Variants in SIPA1L3 observed in about 807,000 individuals in gnomAD.
SIPA1L3 encodes signal-induced proliferation-associated 1-like protein 3.
Under a neutral mutation model 150.1 loss-of-function variants are expected in SIPA1L3, and 59 were observed. The observed-to-expected ratio is 0.39, with a 90% CI of 0.32 to 0.49. SIPA1L3 has a LOEUF of 0.49. SIPA1L3 is among the 20% of genes least tolerant of loss of function. The pLI, the probability that SIPA1L3 is intolerant of heterozygous loss-of-function variation, is 0.86. For synonymous variants in SIPA1L3, 1,070 were observed against 1,077.6 expected (o/e 0.99, Z 0.14); for missense variants, 2,211 against 2,489.5 (o/e 0.89, Z 2.38).
chr19:38,021,774 G>A (rs1968378208), intron 1 of SIPA1L3, among the ~76,000 whole-genome samples: 1 of 152,278 alleles, frequency 6.6e-6, no homozygotes, highest in Middle Eastern at 3.4e-3. Flanking sequence ...TCTAACTCCT[G>A]GGCTCAAGCA....
At chr19:38,048,486 A>G (rs1969111206) in intron 2 of SIPA1L3, among the ~76,000 whole-genome samples, 1 of 152,202 alleles carries the variant, frequency 6.6e-6, no homozygotes, top group South Asian at 2.1e-4. Context: ...CAGCTGGTCC[A>G]GCTGAGGTCA....
intron 1 of SIPA1L3, among the ~76,000 whole-genome samples, chr19:37,930,598 A>G (rs2046545069): frequency 1.3e-5 from 2 of 152,160 alleles, no homozygotes; most frequent in South Asian, 2.1e-4. Context: ...CTGTAAAGCC[A>G]TTGCCCTTTG....
chr19:38,009,786 C>T (rs548796243), intron 1 of SIPA1L3, among the ~76,000 whole-genome samples: 1 of 152,172 alleles, frequency 6.6e-6, no homozygotes, highest in East Asian at 1.9e-4. Context: ...ACTGCTTCCC[C>T]ATCTGCTTTG....
chr19:38,088,956 C>T (rs914411159), intron 4 of SIPA1L3, 105 bp downstream of exon 4: 2 of 1,263,408 alleles, frequency 1.6e-6, no homozygotes, highest in Non-Finnish European at 2.2e-6. Context: ...ATGGAATCCT[C>T]CCAACAACCC....
At chr19:37,992,063 A>AGGCAGTGTCACCG (rs1466941595) in intron 1 of SIPA1L3, among the ~76,000 whole-genome samples, 2 of 17,262 alleles carry the variant, frequency 1.2e-4, no homozygotes, top group Non-Finnish European at 1.9e-4. Flanking sequence ...ACAGGCATCC[A>AGGCAGTGTCACCG]CGTGGCTAGA....
chr19:38,126,495 A>G (rs1409064389), intron 9 of SIPA1L3, among the ~76,000 whole-genome samples: 2 of 152,020 alleles, frequency 1.3e-5, no homozygotes, highest in South Asian at 2.1e-4. Context: ...TAAGCTTATC[A>G]GCTATCATTA....
intron 1 of SIPA1L3, among the ~76,000 whole-genome samples, chr19:38,010,734 GA>G (rs1402336914): frequency 1.3e-5 from 2 of 152,036 alleles, no homozygotes; most frequent in African/African-American, 4.8e-5. Context: ...AAACAAAAAA[GA>G]ATGTACACAC....
intron 1 of SIPA1L3, among the ~76,000 whole-genome samples, chr19:37,964,971 T>C (rs2046890258): frequency 6.6e-6 from 1 of 152,166 alleles, no homozygotes; most frequent in Non-Finnish European, 1.5e-5. Flanking sequence ...TTGAGTTAGA[T>C]AGAATTCTCT....
chr19:37,968,363 C>T lies in SIPA1L3; in HGVS notation c.-378-60726C>T, dbSNP rs8103636. Among the ~76,000 whole-genome samples, 490 of 152,220 alleles carry T rather than the reference C, an allele frequency of 3.2e-3. 3 individuals carry two copies. The highest frequency in any genetic ancestry group is 0.011 in the African/African-American group (468 of 41,554). On this transcript the variant is annotated intron_variant, in intron 1 of 21. Coordinates refer to ENST00000222345, the MANE Select transcript of SIPA1L3 (RefSeq NM_015073.3). ...CTGGGATTACAGGCATGAGCCACCGCGCCCGGCCGGCCTCATCTCTTAATG... is the reference window on the plus strand; with the variant it reads ...CTGGGATTACAGGCATGAGCCACCGTGCCCGGCCGGCCTCATCTCTTAATG...
At chr19:38,131,169 G>C (rs1382128619) in intron 10 of SIPA1L3, among the ~76,000 whole-genome samples, 1 of 152,174 alleles carries the variant, frequency 6.6e-6, no homozygotes, top group African/African-American at 2.4e-5. Context: ...CCACAACAAA[G>C]TGCCTGCTCC....
intron 7 of SIPA1L3, 49 bp downstream of exon 7, chr19:38,106,689 C>A: frequency 1.5e-6 from 2 of 1,299,314 alleles, no homozygotes; most frequent in Non-Finnish European, 2.2e-6. Context: ...GGCTGCCCAC[C>A]CACCAGCATT....
At chr19:38,152,639 C>A (rs563007522) in intron 12 of SIPA1L3, among the ~76,000 whole-genome samples, 1 of 152,288 alleles carries the variant, frequency 6.6e-6, no homozygotes, top group Admixed American at 6.5e-5. Flanking sequence ...GCTTCCCAGG[C>A]GAGACTCTCA....
In SIPA1L3 at chr19:37,965,317, G is replaced by GTTTTT. The variant is rs566071263; in HGVS notation, c.-379+57972_-379+57976dup. Among the ~76,000 whole-genome samples, 172 of 133,684 alleles carry GTTTTT rather than the reference G, an allele frequency of 1.3e-3. 2 individuals are homozygous for GTTTTT. Among genetic ancestry groups the GTTTTT allele is most frequent in the African/African-American group, 4.7e-3 (169 of 36,258 alleles). The allele number at this position is 133,684 out of a possible 152,430, so 87.7% of individuals were successfully genotyped here. A position where few individuals can be genotyped will look rare whatever the true frequency, so the allele number is the denominator to read the frequency against. ...TTTATCAGTTCTTTTTATATTTCTA[G>GTTTTT]TTTTTTTTTTTTTTTTTGAGAAGGC... On this transcript the variant is annotated intron_variant, in intron 1 of 21. Transcript: ENST00000222345.
intron 1 of SIPA1L3, among the ~76,000 whole-genome samples, chr19:37,936,928 A>G (rs1381483011): frequency 1.3e-5 from 2 of 152,182 alleles, no homozygotes; most frequent in Non-Finnish European, 2.9e-5. Flanking sequence ...AACCTAGTAT[A>G]TATTCTTCCT....
At chr19:38,167,560 C>G (rs1007962179) in intron 15 of SIPA1L3, among the ~76,000 whole-genome samples, 1 of 152,136 alleles carries the variant, frequency 6.6e-6, no homozygotes, top group Admixed American at 6.6e-5. Flanking sequence ...TCTCCCTAGA[C>G]AAGTGGCTGT....
In SIPA1L3 at chr19:38,047,217, C is replaced by T. The variant is rs986061213; in HGVS notation, c.-311+18061C>T. On this transcript the variant is annotated intron_variant, in intron 2 of 21. Coordinates refer to ENST00000222345, the MANE Select transcript of SIPA1L3 (RefSeq NM_015073.3). The surrounding 1 kb of genome is among the most constrained non-coding windows in gnomAD (Gnocchi z 4.7). ...GCTATACTTCCTGCCAGCCTGTTCT[C>T]CCCCGCCGACACACACGCACGCACA... Among the ~76,000 whole-genome samples, 8 of 152,166 alleles carry T rather than the reference C, an allele frequency of 5.3e-5. No individual in the cohort carries two copies. The highest frequency in any genetic ancestry group is 1.9e-4 in the African/African-American group (8 of 41,434).
chr19:37,990,584 A>G (rs1967478820), intron 1 of SIPA1L3, among the ~76,000 whole-genome samples: 1 of 152,244 alleles, frequency 6.6e-6, no homozygotes, highest in Admixed American at 6.5e-5. Context: ...GCTCTTGCTC[A>G]GCTAGTCAGC....
chr19:38,055,190 A>T (rs1390396913), intron 2 of SIPA1L3, among the ~76,000 whole-genome samples: 2 of 152,190 alleles, frequency 1.3e-5, no homozygotes, highest in Non-Finnish European at 2.9e-5. Flanking sequence ...GCTACATGTA[A>T]CAAAAAACCA....
At chr19:38,141,541 A>G in intron 11 of SIPA1L3, 106 bp downstream of exon 11, 1 of 1,235,344 alleles carries the variant, frequency 8.1e-7, no homozygotes. Flanking sequence ...TCCTCGCCTC[A>G]AGCTTTCGAC....
Sources: gnomAD v4.1 joint callset for allele counts (sites outside exome capture counted in the v4.1 genomes callset) on GRCh38, gnomAD v4.1.1 for gene constraint, Gnocchi (gnomAD v3.1) non-coding constraint, MANE v1.5 for transcripts, NCBI Gene and HGNC (gene_info 2026-07-23, HGNC 2026-07-21) for gene names.